FSTL4: variants seen among roughly 807,000 people sequenced by gnomAD.
FSTL4 encodes follistatin-related protein 4.
In FSTL4, 28 loss-of-function variants were observed where a neutral mutation model predicts 78.2. That is an observed-to-expected ratio of 0.36 (90% CI 0.27 to 0.49). The LOEUF is 0.49. Ranked by LOEUF, FSTL4 falls within the 20% of genes least tolerant of loss-of-function variation. FSTL4 has a pLI of 0.98. For synonymous variants in FSTL4, 422 were observed against 440.5 expected (o/e 0.96, Z 0.53); for missense variants, 922 against 1,084.9 (o/e 0.85, Z 2.11).
the FSTL4 span, among the ~76,000 whole-genome samples, chr5:133,815,378 G>A: frequency 1.2e-4 from 18 of 152,308 alleles, no homozygotes; most frequent in African/African-American, 4.1e-4. Context: ...CAGGACCTGA[G>A]GTCTGGACAA....
chr5:133,479,204 A>T (rs1203911367), intron 3 of FSTL4, among the ~76,000 whole-genome samples: 2 of 152,146 alleles, frequency 1.3e-5, no homozygotes, highest in Non-Finnish European at 2.9e-5. Context: ...TGACAATCCC[A>T]TGAAGGCGGG....
the FSTL4 span, among the ~76,000 whole-genome samples, chr5:133,617,586 G>T: frequency 6.6e-6 from 1 of 152,170 alleles, no homozygotes; most frequent in Non-Finnish European, 1.5e-5. Flanking sequence ...TACTGTGGAG[G>T]CCCAGCACAC....
At chr5:133,798,995 AGGGAGAG>A in the FSTL4 span, among the ~76,000 whole-genome samples, 1 of 89,672 alleles carries the variant, frequency 1.1e-5, no homozygotes, top group African/African-American at 4.1e-5. Context: ...GGAGGAAGGG[AGGGAGAG>A]AGAGGGGAAG....
At chr5:133,527,684 C>T (rs759352286) in intron 3 of FSTL4, among the ~76,000 whole-genome samples, 1 of 152,198 alleles carries the variant, frequency 6.6e-6, no homozygotes, top group Non-Finnish European at 1.5e-5. Context: ...AAATATTCTC[C>T]CCTTCTCTCC....
chr5:133,675,401 T>G, the FSTL4 span, among the ~76,000 whole-genome samples: 1 of 152,382 alleles, frequency 6.6e-6, no homozygotes, highest in East Asian at 1.9e-4. Context: ...CCAGCCATTC[T>G]TTGCTACCGA....
Position 133,400,868 on chromosome 5 carries a change from G to C in FSTL4, c.279C>G (p.Cys93Trp). The C allele has an allele frequency of 6.2e-7, 1 of 1,613,950 alleles. No homozygotes were observed. Among genetic ancestry groups the C allele is most frequent in the Non-Finnish European group, 8.5e-7 (1 of 1,180,008 alleles). The change falls in exon 4 of 16, where the codon TGC (cysteine) becomes TGG (tryptophan). Residue 93 changes from cysteine to tryptophan, a missense_variant. Transcript: ENST00000265342. ...GEPECQCLEA[C>W]RPSYVPVCGS... ...CGCACACAGGCACGTAGCTGGGCCTGCATGCCTCCAGGCACTGGCATTCGG... is the reference window on the plus strand; with the variant it reads ...CGCACACAGGCACGTAGCTGGGCCTCCATGCCTCCAGGCACTGGCATTCGG...
At chr5:133,327,963 A>G (rs1055107300) in intron 4 of FSTL4, among the ~76,000 whole-genome samples, 1 of 152,124 alleles carries the variant, frequency 6.6e-6, no homozygotes, top group African/African-American at 2.4e-5. Flanking sequence ...AGGCTGCCAA[A>G]CTATTCTCAG....
chr5:133,522,109 A>G (rs961087788), intron 3 of FSTL4, among the ~76,000 whole-genome samples: 10 of 152,158 alleles, frequency 6.6e-5, no homozygotes, highest in Non-Finnish European at 1.5e-5. Context: ...AAAATTATCT[A>G]TGAGGAGCAA....
At chr5:133,573,733 A>C (rs568575679) in intron 2 of FSTL4, among the ~76,000 whole-genome samples, 2 of 152,330 alleles carry the variant, frequency 1.3e-5, no homozygotes, top group East Asian at 3.9e-4. Context: ...ACTTGACCTA[A>C]TTGACAGACA....
intron 3 of FSTL4, among the ~76,000 whole-genome samples, chr5:133,474,516 T>C (rs1020588497): frequency 1.3e-5 from 2 of 152,228 alleles, no homozygotes; most frequent in African/African-American, 4.8e-5. Flanking sequence ...GGTTCTATTC[T>C]GTAGCTGTCA....
intron 3 of FSTL4, among the ~76,000 whole-genome samples, chr5:133,487,125 C>T (rs1339787589): frequency 1.3e-5 from 2 of 152,126 alleles, no homozygotes; most frequent in East Asian, 1.9e-4. Flanking sequence ...ATAGAAGGAC[C>T]CTGTGAGCAC....
At chr5:133,807,865 C>T in the FSTL4 span, among the ~76,000 whole-genome samples, 2 of 152,206 alleles carry the variant, frequency 1.3e-5, no homozygotes, top group East Asian at 1.9e-4. Context: ...CTCACGCTTA[C>T]GATGGTGCCT....
the FSTL4 span, among the ~76,000 whole-genome samples, chr5:133,745,389 C>T: frequency 6.6e-6 from 1 of 152,236 alleles, no homozygotes; most frequent in Non-Finnish European, 1.5e-5. Flanking sequence ...ATCAATAGCA[C>T]ATAATTCAAT....
At chr5:133,201,540 C>A (rs1167758513) in intron 15 of FSTL4, among the ~76,000 whole-genome samples, 1 of 152,218 alleles carries the variant, frequency 6.6e-6, no homozygotes, top group Non-Finnish European at 1.5e-5. Context: ...AGTGTCTTCA[C>A]TTCTCTGATC....
the FSTL4 span, among the ~76,000 whole-genome samples, chr5:133,745,437 G>C: frequency 6.6e-6 from 1 of 152,238 alleles, no homozygotes. Context: ...CTGCTGGTGG[G>C]GGGTAGAGGG....
At chr5:133,386,037 G>A (rs923530210) in intron 4 of FSTL4, among the ~76,000 whole-genome samples, 3 of 152,158 alleles carry the variant, frequency 2.0e-5, no homozygotes, top group Non-Finnish European at 4.4e-5. Context: ...CCTCCTCACC[G>A]GTTGAGTGGT....
Position 133,199,079 on chromosome 5 carries a change from C to G in FSTL4, c.*16G>C. On this transcript the variant is annotated 3_prime_UTR_variant, in exon 16 of 16. Coordinates refer to ENST00000265342, the MANE Select transcript of FSTL4 (RefSeq NM_015082.2). The surrounding 1 kb of genome is among the most constrained non-coding windows in gnomAD (Gnocchi z 4.4). The stretch of plus-strand genomic sequence containing the variant: ...CTAGGGGGTGTTCCTTGGCCCAGGG[C>G]TCTGCTCTGGGCCCTTCATACCTCA... 1.4e-6 allele frequency: 2 copies of G among 1,465,410 alleles called. No individual in the cohort carries two copies. Among genetic ancestry groups the G allele is most frequent in the South Asian group, 1.4e-5 (1 of 73,900 alleles). The allele number at this position is 1,465,410 out of a possible 1,614,324, so 90.8% of individuals were successfully genotyped here. A position where few individuals can be genotyped will look rare whatever the true frequency, so the allele number is the denominator to read the frequency against.
the FSTL4 span, among the ~76,000 whole-genome samples, chr5:133,777,072 C>A: frequency 6.6e-6 from 1 of 152,044 alleles, no homozygotes; most frequent in Non-Finnish European, 1.5e-5. Context: ...AGGCACTGCA[C>A]CAAGCATAGA....
chr5:133,431,717 A>C (rs1458586957), intron 3 of FSTL4, among the ~76,000 whole-genome samples: 2 of 152,206 alleles, frequency 1.3e-5, no homozygotes, highest in African/African-American at 4.8e-5. Flanking sequence ...ACAATCATGA[A>C]CTAAAATACA....
Sources: gnomAD v4.1 joint callset for allele counts (sites outside exome capture counted in the v4.1 genomes callset) on GRCh38, gnomAD v4.1.1 for gene constraint, Gnocchi (gnomAD v3.1) non-coding constraint, MANE v1.5 for transcripts, NCBI Gene and HGNC (gene_info 2026-07-23, HGNC 2026-07-21) for gene names.